The following NEGR1 variants were observed in gnomAD, a reference collection of about 807,000 sequenced individuals.
NEGR1 encodes IgLON family member 4.
NEGR1 carries 10 observed loss-of-function variants against 40.9 expected under a neutral mutation model. That is an observed-to-expected ratio of 0.24 (90% CI 0.15 to 0.42). NEGR1 has a LOEUF of 0.42. Among genes scored for constraint, NEGR1 ranks in the 10% least tolerant of loss-of-function variants. NEGR1 has a pLI of 1.00. For missense variants in NEGR1, 352 were observed against 438.9 expected, an observed-to-expected ratio of 0.80 and a Z score of 1.77; for synonymous variants, 185 against 166.8, an observed-to-expected ratio of 1.11 and a Z score of -0.84.
At chr1:72,210,843 A>G (rs981140802) in intron 1 of NEGR1, among the ~76,000 whole-genome samples, 1 of 151,908 alleles carries the variant, frequency 6.6e-6, no homozygotes, top group Non-Finnish European at 1.5e-5. Context: ...AGTAAAAAAC[A>G]AGGTTCACTG....
intron 4 of NEGR1, among the ~76,000 whole-genome samples, chr1:71,619,133 T>G (rs1341060272): frequency 1.3e-5 from 2 of 152,152 alleles, no homozygotes; most frequent in Non-Finnish European, 2.9e-5. Flanking sequence ...AAATTATGAC[T>G]AGTTAAATCT....
At chr1:71,502,806 G>A (rs1293067990) in intron 6 of NEGR1, among the ~76,000 whole-genome samples, 1 of 152,186 alleles carries the variant, frequency 6.6e-6, no homozygotes, top group Admixed American at 6.5e-5. Context: ...TTCATAGGTC[G>A]AGTGTGTGCA....
chr1:71,413,025 A>C (rs1646333245), intron 6 of NEGR1, among the ~76,000 whole-genome samples: 2 of 33,622 alleles, frequency 5.9e-5, no homozygotes, highest in Non-Finnish European at 1.9e-4. Context: ...CATTGTATAT[A>C]ATATATGGAC....
intron 1 of NEGR1, among the ~76,000 whole-genome samples, chr1:71,963,912 G>A (rs1026471802): frequency 1.4e-4 from 21 of 151,938 alleles, no homozygotes; most frequent in African/African-American, 4.8e-4. Context: ...TGTAAATCTC[G>A]GGTGATTAAC....
chr1:71,540,776 T>A (rs992703025), intron 6 of NEGR1, among the ~76,000 whole-genome samples: 6 of 151,682 alleles, frequency 4.0e-5, no homozygotes, highest in Admixed American at 2.6e-4. Context: ...GGGTAATTTA[T>A]AAAGAAAATA....
intron 3 of NEGR1, among the ~76,000 whole-genome samples, 179 bp from the exon 4 acceptor site, chr1:71,698,318 C>T (rs1170857432): frequency 1.3e-5 from 2 of 151,734 alleles, no homozygotes; most frequent in Non-Finnish European, 2.9e-5. Flanking sequence ...AAAGCAGAAG[C>T]AGAACGAGGT....
intron 4 of NEGR1, among the ~76,000 whole-genome samples, chr1:71,623,831 T>C (rs1367438897): frequency 1.3e-5 from 2 of 151,850 alleles, no homozygotes; most frequent in Non-Finnish European, 2.9e-5. Context: ...CTTCTTAAAA[T>C]GATTAAACAA....
intron 2 of NEGR1, among the ~76,000 whole-genome samples, chr1:71,855,868 A>C (rs151205263): frequency 1.2e-4 from 18 of 152,168 alleles, no homozygotes; most frequent in African/African-American, 4.3e-4. Flanking sequence ...GGAGTATGTT[A>C]GAAATTTCAG....
At chr1:71,601,763 CATGGACATAAAA>C (rs1649927575) in intron 5 of NEGR1, among the ~76,000 whole-genome samples, 1 of 152,036 alleles carries the variant, frequency 6.6e-6, no homozygotes, top group Admixed American at 6.6e-5. Flanking sequence ...AATGGGTACA[CATGGACATAAAA>C]ATGGAAAATA....
rs1649132379 is a variant in NEGR1, at chr1:72,106,342, A to G, written c.177-171031T>C. On this transcript the variant is annotated intron_variant, in intron 1 of 6. Transcript: ENST00000357731. The stretch of plus-strand genomic sequence containing the variant: ...TGAGATGTTAGAACCCTCAAATTCA[A>G]CTTGAAAAAGCAGTGACCCAGGGAC... 2.0e-5 allele frequency among the ~76,000 whole-genome samples: 3 copies of G among 152,044 alleles called. No individual in the cohort carries two copies. The South Asian group carries it at 6.2e-4, about 31-fold the overall frequency.
At chr1:71,810,617 C>T (rs1403148684) in intron 2 of NEGR1, among the ~76,000 whole-genome samples, 1 of 152,062 alleles carries the variant, frequency 6.6e-6, no homozygotes, top group African/African-American at 2.4e-5. Context: ...TTATAATCCC[C>T]AGTGTTGGAG....
At chr1:71,425,163 G>A (rs1025787579) in intron 6 of NEGR1, among the ~76,000 whole-genome samples, 2 of 151,952 alleles carry the variant, frequency 1.3e-5, no homozygotes, top group South Asian at 2.1e-4. Context: ...CACATAATAC[G>A]TGCTCTTAGC....
intron 6 of NEGR1, among the ~76,000 whole-genome samples, chr1:71,510,063 G>C (rs1036465679): frequency 6.6e-6 from 1 of 152,184 alleles, no homozygotes; most frequent in Non-Finnish European, 1.5e-5. Flanking sequence ...GGCAGAAAAT[G>C]CTGGAATTAA....
chr1:71,566,804 T>C (rs1217670841), intron 6 of NEGR1, among the ~76,000 whole-genome samples: 2 of 152,182 alleles, frequency 1.3e-5, no homozygotes, highest in Admixed American at 6.5e-5. Context: ...AATGTATTTC[T>C]CATAGTTCTG....
chr1:71,999,676 TATAC>T lies in NEGR1; in HGVS notation c.177-64369_177-64366del, dbSNP rs1008860056. Among the ~76,000 whole-genome samples the T allele has an allele frequency of 1.0e-3, 52 of 52,198 alleles. 4 individuals carry two copies. The highest frequency in any genetic ancestry group is 3.1e-3 in the African/African-American group (47 of 15,308). The allele number at this position is 52,198 out of a possible 152,430, so 34.2% of individuals were successfully genotyped here. A position where few individuals can be genotyped will look rare whatever the true frequency, so the allele number is the denominator to read the frequency against. ...ATATATATATATATATATATATATA[TATAC>T]ATACATATTTTTGTCCGGTCTCGGA... On this transcript the variant is annotated intron_variant, in intron 1 of 6. Transcript: ENST00000357731.
intron 1 of NEGR1, among the ~76,000 whole-genome samples, chr1:72,113,530 ATGTG>A (rs368728187): frequency 4.7e-5 from 7 of 150,100 alleles, no homozygotes; most frequent in Non-Finnish European, 8.9e-5. Context: ...GTTTGTGTGT[ATGTG>A]TGTGTGTGTG....
At chr1:71,867,623 G>A (rs961552050) in intron 2 of NEGR1, among the ~76,000 whole-genome samples, 7 of 151,992 alleles carry the variant, frequency 4.6e-5, no homozygotes, top group South Asian at 2.1e-4. Context: ...TAGAATTGCC[G>A]TACTATGAAA....
intron 2 of NEGR1, among the ~76,000 whole-genome samples, chr1:71,873,118 CAAAA>C (rs34592789): frequency 1.2e-5 from 1 of 81,844 alleles, no homozygotes; most frequent in South Asian, 5.4e-4. Flanking sequence ...AAAGATGTAG[CAAAA>C]AAAAAAAAAA....
At chr1:71,678,747 C>G (rs1417695454) in intron 4 of NEGR1, among the ~76,000 whole-genome samples, 1 of 152,002 alleles carries the variant, frequency 6.6e-6, no homozygotes, top group African/African-American at 2.4e-5. Context: ...TGGAATTAGC[C>G]CATTACTGGA....
Sources: gnomAD v4.1 joint callset for allele counts (sites outside exome capture counted in the v4.1 genomes callset) on GRCh38, gnomAD v4.1.1 for gene constraint, MANE v1.5 for transcripts, NCBI Gene and HGNC (gene_info 2026-07-23, HGNC 2026-07-21) for gene names.